VPS54: variants seen among roughly 807,000 people sequenced by gnomAD.
The protein encoded by VPS54 is VPS54 subunit of GARP complex.
VPS54 carries 45 observed loss-of-function variants against 121.5 expected under a neutral mutation model. The ratio of observed to expected loss-of-function variants is 0.37; its 90% CI spans 0.29 to 0.47. The LOEUF (loss-of-function observed/expected upper bound fraction) is 0.47, where lower values mean the gene tolerates loss of function less well. VPS54 is among the 20% of genes least tolerant of loss of function. VPS54 has a pLI of 0.99. For synonymous variants in VPS54, 371 were observed against 385.8 expected (o/e 0.96, Z 0.45); for missense variants, 1,090 against 1,131.4 (o/e 0.96, Z 0.52).
chr2:63,902,748 C>G (rs1401786417), intron 20 of VPS54, among the ~76,000 whole-genome samples: 2 of 152,118 alleles, frequency 1.3e-5, no homozygotes, highest in African/African-American at 2.4e-5. Context: ...GCGGGTGGAT[C>G]ACCTGAAGTC....
At chr2:63,976,621 A>T (rs1156965994) in intron 3 of VPS54, among the ~76,000 whole-genome samples, 1 of 152,054 alleles carries the variant, frequency 6.6e-6, no homozygotes, top group African/African-American at 2.4e-5. Context: ...TTTAATAAAT[A>T]TAGGCCTATT....
intron 3 of VPS54, among the ~76,000 whole-genome samples, chr2:63,979,172 T>G (rs1012030660): frequency 6.6e-6 from 1 of 152,094 alleles, no homozygotes; most frequent in Non-Finnish European, 1.5e-5. Context: ...ATCAGCTTTT[T>G]GTTTCACTAA....
At chr2:64,018,300 T>G (rs1346387969) in intron 1 of VPS54, among the ~76,000 whole-genome samples, 4 of 152,190 alleles carry the variant, frequency 2.6e-5, no homozygotes, top group South Asian at 2.1e-4. Context: ...AATACCATCT[T>G]GAACTCAACA....
chr2:63,964,439 A>T (rs1324431977), intron 6 of VPS54, among the ~76,000 whole-genome samples: 1 of 152,146 alleles, frequency 6.6e-6, no homozygotes, highest in Non-Finnish European at 1.5e-5. Context: ...TATTAAAAGT[A>T]CCTGTATACA....
In VPS54 at chr2:63,948,716, T is replaced by A. The variant is rs148330241; in HGVS notation, c.1137+321A>T. 2.3e-3 allele frequency among the ~76,000 whole-genome samples: 345 copies of A among 152,292 alleles called. 1 individual carries two copies. Among genetic ancestry groups the A allele is most frequent in the Non-Finnish European group, 2.4e-3 (164 of 68,012 alleles). Reference sequence around the variant, plus strand: ...TGCGCCCAACTATGATCACTTTTTATAAAAGACAAGCTCCAGCACTCGCAC... The same window carrying A: ...TGCGCCCAACTATGATCACTTTTTAAAAAAGACAAGCTCCAGCACTCGCAC... On this transcript the variant is annotated intron_variant, in intron 8 of 22. Transcript: ENST00000272322.
intron 1 of VPS54, among the ~76,000 whole-genome samples, chr2:63,997,014 T>C (rs1677629466): frequency 6.6e-6 from 1 of 152,236 alleles, no homozygotes; most frequent in African/African-American, 2.4e-5. Flanking sequence ...TGACATGTGA[T>C]GTCTCACCCA....
intron 5 of VPS54, 78 bp from the exon 6 acceptor site, chr2:63,966,044 T>G (rs1675979560): frequency 1.5e-6 from 2 of 1,377,612 alleles, no homozygotes; most frequent in East Asian, 2.5e-5. Flanking sequence ...TCATGATCAT[T>G]AAACAAAATT....
chr2:63,932,169 G>A (rs1004604458), intron 12 of VPS54, among the ~76,000 whole-genome samples: 2 of 152,106 alleles, frequency 1.3e-5, no homozygotes, highest in Non-Finnish European at 2.9e-5. Context: ...TATACCCAAA[G>A]GATTATAAAT....
At chr2:63,934,708 G>T (rs1442771769) in intron 11 of VPS54, among the ~76,000 whole-genome samples, 1 of 152,114 alleles carries the variant, frequency 6.6e-6, no homozygotes, top group East Asian at 1.9e-4. Flanking sequence ...TTATCATTAT[G>T]TACAATTATC....
At position 63,947,358 on chromosome 2, in the gene VPS54, A is replaced by T. The variant is rs775906417; in HGVS notation, c.1245+25T>A. On this transcript the variant is annotated intron_variant, in intron 9 of 22. Coordinates refer to ENST00000272322, the MANE Select transcript of VPS54 (RefSeq NM_016516.3). ...CTTCACAAAGGTTCCAGACCAAAAT[A>T]TGTCAAATAAAAATGCATAATTACC... The T allele has an allele frequency of 2.6e-6, 4 of 1,515,388 alleles. No homozygotes were observed. The South Asian group carries it at 4.8e-5, about 18-fold the overall frequency. The allele number at this position is 1,515,388 out of a possible 1,614,324, so 93.9% of individuals were successfully genotyped here. A position where few individuals can be genotyped will look rare whatever the true frequency, so the allele number is the denominator to read the frequency against.
At chr2:63,938,084 G>GTGTGTGTGTA (rs1674545303) in intron 11 of VPS54, among the ~76,000 whole-genome samples, 1 of 151,252 alleles carries the variant, frequency 6.6e-6, no homozygotes, top group Non-Finnish European at 1.5e-5. Context: ...GTGTGTGTGT[G>GTGTGTGTGTA]TCTAGACAGG....
intron 1 of VPS54, among the ~76,000 whole-genome samples, chr2:64,004,119 AAAGT>A (rs1391823067): frequency 3.3e-5 from 5 of 152,222 alleles, no homozygotes; most frequent in African/African-American, 1.2e-4. Context: ...TATTTTTTTA[AAAGT>A]AATAGAGTAT....
intron 6 of VPS54, 149 bp downstream of exon 6, chr2:63,965,686 T>C (rs1675960558): frequency 4.6e-6 from 5 of 1,096,102 alleles, no homozygotes; most frequent in South Asian, 3.5e-5. Flanking sequence ...TGTTAGTTTA[T>C]CAGTTAAGAT....
intron 12 of VPS54, among the ~76,000 whole-genome samples, chr2:63,924,722 G>T (rs935591013): frequency 6.6e-6 from 1 of 152,114 alleles, no homozygotes; most frequent in African/African-American, 2.4e-5. Context: ...TAATGGTACT[G>T]GTGTAAAGAC....
intron 3 of VPS54, chr2:63,975,572 T>G (rs1251715148): frequency 6.6e-6 from 1 of 152,558 alleles, no homozygotes; most frequent in African/African-American, 2.4e-5. Context: ...AACTGCCTCA[T>G]TTGATCTTGT....
At chr2:63,974,000 T>C (rs968085491) in intron 3 of VPS54, among the ~76,000 whole-genome samples, 2 of 152,244 alleles carry the variant, frequency 1.3e-5, no homozygotes, top group African/African-American at 4.8e-5. Context: ...TGTGCTTTTC[T>C]TTCATATCTA....
At chr2:63,962,571 G>T in intron 6 of VPS54, 128 bp from the exon 7 acceptor site, 1 of 1,195,432 alleles carries the variant, frequency 8.4e-7, no homozygotes, top group Non-Finnish European at 1.1e-6. Context: ...TTGTTTGATT[G>T]TGAGATCCTT....
chr2:63,937,383 A>G (rs1009233883), intron 11 of VPS54, among the ~76,000 whole-genome samples: 2 of 152,238 alleles, frequency 1.3e-5, no homozygotes, highest in Admixed American at 6.5e-5. Context: ...CAATAAGCAC[A>G]TAAAAAAGAT....
rs1576011359 is a variant in VPS54 at position 64,001,128 on chromosome 2, G to A, written c.-20-17109C>T. On this transcript the variant is annotated intron_variant, in intron 1 of 22. Transcript: ENST00000272322. ...CCCACTTCTCTCTCCCCTTTCCACA[G>A]GCAGAGGAGCCTCACCCTGTGGCCA... Among the ~76,000 whole-genome samples the A allele has an allele frequency of 1.3e-5, 2 of 152,292 alleles. 1 individual carries two copies. The highest frequency in any genetic ancestry group is 6.8e-3 in the Middle Eastern group (2 of 294).
Sources: gnomAD v4.1 joint callset for allele counts (sites outside exome capture counted in the v4.1 genomes callset) on GRCh38, gnomAD v4.1.1 for gene constraint, MANE v1.5 for transcripts, NCBI Gene and HGNC (gene_info 2026-07-23, HGNC 2026-07-21) for gene names.